Variants in MIPOL1 observed in about 807,000 individuals in gnomAD.
MIPOL1 encodes mirror-image polydactyly gene 1 protein.
Under a neutral mutation model 60.9 loss-of-function variants are expected in MIPOL1, and 57 were observed. The observed-to-expected ratio is 0.94, with a 90% CI of 0.76 to 1.17. MIPOL1 has a LOEUF of 1.17. MIPOL1 is among the 50% of genes most tolerant of loss of function. The probability of loss-of-function intolerance (pLI) is 0.00; values close to 1 mark genes in which losing one functional copy is unlikely to be tolerated. For synonymous variants in MIPOL1, 179 were observed against 168.8 expected (o/e 1.06, Z -0.47); for missense variants, 551 against 511.6 (o/e 1.08, Z -0.74).
chr14:37,359,919 C>T (rs578054665), intron 9 of MIPOL1, among the ~76,000 whole-genome samples: 207 of 152,240 alleles, frequency 1.4e-3, no homozygotes, highest in African/African-American at 4.9e-3. Context: ...GGAATGCTTC[C>T]AGTTTTTTCC....
At chr14:37,280,310 C>T (rs915224161) in intron 6 of MIPOL1, among the ~76,000 whole-genome samples, 1 of 152,132 alleles carries the variant, frequency 6.6e-6, no homozygotes, top group Non-Finnish European at 1.5e-5. Flanking sequence ...TAACATACTT[C>T]TTTCGACTCC....
At chr14:37,381,108 T>C in intron 10 of MIPOL1, among the ~76,000 whole-genome samples, 1 of 152,066 alleles carries the variant, frequency 6.6e-6, no homozygotes, top group East Asian at 1.9e-4. Flanking sequence ...ATTGTTTTCA[T>C]AAGAAAATGT....
chr14:37,353,153 A>G lies in MIPOL1; in HGVS notation c.829-16364A>G, dbSNP rs1158273725. On this transcript the variant is annotated intron_variant, in intron 9 of 12. Coordinates refer to ENST00000684589, the MANE Select transcript of MIPOL1 (RefSeq NM_001388067.1). ...TTTGTCAAAGGCTTTTTCTGCATCT[A>G]TTGAGATAATCATGTGGTTTTTGTC... Among the ~76,000 whole-genome samples the G allele has an allele frequency of 6.2e-5, 9 of 144,800 alleles. No homozygotes were observed. In the South Asian group the frequency reaches 2.1e-3, roughly 34 times the overall value. The allele number at this position is 144,800 out of a possible 152,430, so 95.0% of individuals were successfully genotyped here.
intron 7 of MIPOL1, among the ~76,000 whole-genome samples, chr14:37,291,832 A>G (rs1372914056): frequency 1.3e-5 from 2 of 151,932 alleles, no homozygotes; most frequent in African/African-American, 2.4e-5. Context: ...CATTAATTCA[A>G]TCCATAAGAG....
chr14:37,298,437 C>T (rs974498296), intron 7 of MIPOL1, among the ~76,000 whole-genome samples: 12 of 152,088 alleles, frequency 7.9e-5, no homozygotes, highest in African/African-American at 1.9e-4. Flanking sequence ...CAACAAAAGC[C>T]AAAATTGACA....
intron 10 of MIPOL1, among the ~76,000 whole-genome samples, chr14:37,388,700 T>A (rs562721431): frequency 6.6e-6 from 1 of 152,204 alleles, no homozygotes; most frequent in South Asian, 2.1e-4. Flanking sequence ...TCACTATAAA[T>A]TCACTTGCAT....
At chr14:37,223,042 T>G (rs1190500691) in intron 1 of MIPOL1, among the ~76,000 whole-genome samples, 2 of 152,156 alleles carry the variant, frequency 1.3e-5, no homozygotes, top group Non-Finnish European at 2.9e-5. Context: ...CTTACTTTTT[T>G]TTCCCTTTGA....
At chr14:37,259,096 C>T (rs1207404118) in intron 3 of MIPOL1, among the ~76,000 whole-genome samples, 1 of 152,006 alleles carries the variant, frequency 6.6e-6, no homozygotes, top group African/African-American at 2.4e-5. Context: ...GTATCTCCAA[C>T]TCTAATGTCC....
At chr14:37,425,968 T>C (rs933059469) in intron 11 of MIPOL1, among the ~76,000 whole-genome samples, 2 of 152,112 alleles carry the variant, frequency 1.3e-5, no homozygotes, top group African/African-American at 4.8e-5. Flanking sequence ...ATTTGGACAA[T>C]AGAGCAGTCC....
intron 11 of MIPOL1, among the ~76,000 whole-genome samples, chr14:37,448,299 G>C (rs1038941915): frequency 6.6e-6 from 1 of 151,932 alleles, no homozygotes; most frequent in African/African-American, 2.4e-5. Flanking sequence ...GGAGTGTAGA[G>C]ATCATTGCAG....
chr14:37,256,164 T>A (rs1217628544), intron 3 of MIPOL1, among the ~76,000 whole-genome samples: 2 of 151,942 alleles, frequency 1.3e-5, no homozygotes, highest in African/African-American at 4.8e-5. Context: ...TACCATTATT[T>A]CTTTCTTTAA....
At position 37,528,539 on chromosome 14, in the gene MIPOL1, A is replaced by G. The variant is rs1209783649; in HGVS notation, c.1263-18366A>G. On this transcript the variant is annotated intron_variant, in intron 12 of 12. Coordinates refer to ENST00000684589, the MANE Select transcript of MIPOL1 (RefSeq NM_001388067.1). ...TGTGTATTTTTAACTCCCTTTAAGT[A>G]TATGGAAAAGAGAGAAATATAGTAC... 2.6e-5 allele frequency among the ~76,000 whole-genome samples: 4 copies of G among 152,238 alleles called. No homozygotes were observed. In the East Asian group the frequency reaches 7.7e-4, roughly 29 times the overall value.
At position 37,267,085 on chromosome 14, in the gene MIPOL1, G is replaced by A; in HGVS notation, c.167G>A (p.Trp56Ter). 1 of 1,613,932 alleles carries A rather than the reference G, an allele frequency of 6.2e-7. No homozygotes were observed. The highest frequency in any genetic ancestry group is 1.3e-5 in the African/African-American group (1 of 75,018). ...VNEITCENTE[W>*]PGQRSTNFQI... ...GAAATAACATGTGAGAACACAGAATGGCCAGGGCAGAGATCAACGAATTTT... is the reference window on the plus strand; with the variant it reads ...GAAATAACATGTGAGAACACAGAATAGCCAGGGCAGAGATCAACGAATTTT... Residue 56 changes from tryptophan (W) to a stop codon, truncating the protein, a stop_gained, in exon 4 of 13, where the codon TGG becomes TAG. Transcript: ENST00000684589. LOFTEE classifies it high-confidence loss of function.
chr14:37,267,222 T>C, intron 4 of MIPOL1, 53 bp downstream of exon 4: 5 of 1,377,714 alleles, frequency 3.6e-6, no homozygotes. Context: ...GCGTGGTGGC[T>C]CATGCCTGTA....
At chr14:37,274,200 A>G (rs1279494354) in intron 6 of MIPOL1, among the ~76,000 whole-genome samples, 3 of 151,528 alleles carry the variant, frequency 2.0e-5, no homozygotes, top group African/African-American at 4.8e-5. Context: ...CTTTTCTGCA[A>G]TATGTACCTA....
Position 37,416,282 on chromosome 14 carries a change from T to C in MIPOL1, c.937-6573T>C, listed in dbSNP as rs181249785. On this transcript the variant is annotated intron_variant, in intron 10 of 12. Coordinates refer to ENST00000684589, the MANE Select transcript of MIPOL1 (RefSeq NM_001388067.1). ...ATCATTGAAATCCTATGACATACAG[T>C]AAAAGGAGATTCTTGAGGAATATGA... is the stretch of plus-strand genomic sequence containing the variant. Among the ~76,000 whole-genome samples, 241 of 152,308 alleles carry C rather than the reference T, an allele frequency of 1.6e-3. 1 individual carries two copies. Among genetic ancestry groups the C allele is most frequent in the Middle Eastern group, 3.4e-3 (1 of 294 alleles).
chr14:37,232,223 C>A (rs1392518222), intron 1 of MIPOL1, among the ~76,000 whole-genome samples: 1 of 151,916 alleles, frequency 6.6e-6, no homozygotes, highest in Non-Finnish European at 1.5e-5. Context: ...CAAGTAATAC[C>A]TAGAAAATAG....
rs563896137 is a variant in MIPOL1 at position 37,399,159 on chromosome 14, A to G, written c.937-23696A>G. ...ATTTAGTTGCAACCTCTGAATGAAT[A>G]TGTGTATTAATAACTTCACTCAGTT... On this transcript the variant is annotated intron_variant, in intron 10 of 12. Coordinates refer to ENST00000684589, the MANE Select transcript of MIPOL1 (RefSeq NM_001388067.1). Among the ~76,000 whole-genome samples, 70 of 152,294 alleles carry G rather than the reference A, an allele frequency of 4.6e-4. No individual in the cohort carries two copies. In the Middle Eastern group the frequency reaches 0.031, roughly 67 times the overall value.
chr14:37,351,246 T>A (rs2091343026), intron 9 of MIPOL1, among the ~76,000 whole-genome samples: 1 of 147,844 alleles, frequency 6.8e-6, no homozygotes, highest in East Asian at 2.0e-4. Context: ...ACTCATTCTT[T>A]TTTATGGCTG....
Sources: allele counts gnomAD v4.1 joint callset (sites outside exome capture counted in the v4.1 genomes callset), GRCh38; gene constraint gnomAD v4.1.1; transcripts MANE v1.5; gene names NCBI Gene and HGNC (gene_info 2026-07-23, HGNC 2026-07-21).